The following ESR1 variants were observed in gnomAD, a reference collection of about 807,000 sequenced individuals.
The protein encoded by ESR1 is estrogen receptor 1.
Under a neutral mutation model 52.7 loss-of-function variants are expected in ESR1, and 12 were observed. The observed-to-expected ratio is 0.23, with a 90% confidence interval of 0.15 to 0.37. The LOEUF (loss-of-function observed/expected upper bound fraction) is 0.37, where lower values mean the gene tolerates loss of function less well. Ranked by LOEUF, ESR1 falls within the 10% of genes least tolerant of loss-of-function variation. The pLI, the probability that ESR1 is intolerant of heterozygous loss-of-function variation, is 1.00. For missense variants in ESR1, 584 were observed against 779.7 expected (o/e 0.75, Z 2.99); for synonymous variants, 305 against 316.8 (o/e 0.96, Z 0.39).
chr6:151,782,095 T>C (rs1330257595), intron 2 of ESR1, among the ~76,000 whole-genome samples: 1 of 152,194 alleles, frequency 6.6e-6, no homozygotes, highest in Non-Finnish European at 1.5e-5. Context: ...GATTGTTGAG[T>C]TCAAATCCTT....
chr6:152,118,797 A>G (rs1043483826), intron 6 of ESR1, among the ~76,000 whole-genome samples: 4 of 146,126 alleles, frequency 2.7e-5, no homozygotes, highest in African/African-American at 1.1e-4. Flanking sequence ...TAAAAATAAA[A>G]CAAACAAACA....
chr6:152,083,789 T>G (rs34075826), intron 6 of ESR1, among the ~76,000 whole-genome samples: 32,088 of 152,004 alleles, frequency 0.21, 4,783 homozygotes, highest in African/African-American at 0.41. Flanking sequence ...TCAAAAAAGT[T>G]GGCAAAGGAT....
rs79171036 is a variant in ESR1 at position 151,730,165 on chromosome 6, G to A, written c.-71+28160G>A. Among the ~76,000 whole-genome samples the A allele has an allele frequency of 8.2e-3, 1,241 of 152,194 alleles. 19 individuals are homozygous for A. The highest frequency in any genetic ancestry group is 0.027 in the African/African-American group (1,136 of 41,536). ...GAGGGTGGGCTTCTGCTTAGTCCCT[G>A]TTTGTCTTCCCAGGGCTAGGCATCC... is the stretch of plus-strand genomic sequence containing the variant. On this transcript the variant is annotated intron_variant, in intron 2 of 2. Transcript: ENST00000404742.
chr6:151,666,204 A>G (rs1414158916), intron 1 of ESR1, among the ~76,000 whole-genome samples: 1 of 152,204 alleles, frequency 6.6e-6, no homozygotes, highest in Non-Finnish European at 1.5e-5. Flanking sequence ...ATATTTTAAA[A>G]AACTCAACAA....
At chr6:151,874,625 A>T (rs1357736966) in intron 2 of ESR1, among the ~76,000 whole-genome samples, 1 of 152,228 alleles carries the variant, frequency 6.6e-6, no homozygotes, top group Non-Finnish European at 1.5e-5. Flanking sequence ...AAGCCAGGAG[A>T]CGAGTACTCT....
At chr6:151,747,936 T>C (rs1419490872) in intron 2 of ESR1, among the ~76,000 whole-genome samples, 1 of 152,238 alleles carries the variant, frequency 6.6e-6, no homozygotes, top group East Asian at 1.9e-4. Flanking sequence ...AAAATTGCTA[T>C]GAACGTTTGT....
At chr6:151,826,098 T>G (rs971861922) in intron 1 of ESR1, among the ~76,000 whole-genome samples, 1 of 151,772 alleles carries the variant, frequency 6.6e-6, no homozygotes, top group African/African-American at 2.4e-5. Flanking sequence ...GGGGAAGGAA[T>G]TGAAAGTTGG....
intron 2 of ESR1, among the ~76,000 whole-genome samples, chr6:151,708,543 A>T (rs1441732509): frequency 1.3e-5 from 2 of 152,120 alleles, no homozygotes; most frequent in Non-Finnish European, 2.9e-5. Context: ...CCCACTAGTG[A>T]TGTTGGAGAG....
At chr6:151,704,309 C>T (rs1364303899) in intron 2 of ESR1, among the ~76,000 whole-genome samples, 2 of 152,194 alleles carry the variant, frequency 1.3e-5, no homozygotes, top group African/African-American at 2.4e-5. Context: ...GCGATCTTGG[C>T]TCACTGCAAC....
intron 2 of ESR1, among the ~76,000 whole-genome samples, chr6:151,724,154 G>A (rs1448797893): frequency 1.3e-5 from 2 of 152,084 alleles, no homozygotes; most frequent in African/African-American, 4.8e-5. Flanking sequence ...GCCTCTAAAG[G>A]CTGGGGGTAG....
intron 3 of ESR1, among the ~76,000 whole-genome samples, chr6:151,892,919 T>C (rs984070531): frequency 1.3e-5 from 2 of 152,224 alleles, no homozygotes; most frequent in African/African-American, 4.8e-5. Context: ...CTGGGCATGA[T>C]GGCTCACGCC....
intron 2 of ESR1, among the ~76,000 whole-genome samples, chr6:151,778,158 ATGT>A (rs1392010412): frequency 2.0e-5 from 3 of 152,118 alleles, no homozygotes; most frequent in Non-Finnish European, 4.4e-5. Context: ...AAGAAGAGAA[ATGT>A]TGTATGATTT....
chr6:152,082,747 T>A (rs2129011893), intron 6 of ESR1, among the ~76,000 whole-genome samples: 1 of 152,344 alleles, frequency 6.6e-6, no homozygotes, highest in East Asian at 1.9e-4. Flanking sequence ...CTTAAGCTGA[T>A]AAGCAACTTC....
At chr6:151,815,857 C>A (rs183465110) in intron 1 of ESR1, among the ~76,000 whole-genome samples, 7 of 152,328 alleles carry the variant, frequency 4.6e-5, no homozygotes, top group African/African-American at 1.7e-4. Flanking sequence ...AGACTATAAA[C>A]AAGTGTCCCT....
intron 2 of ESR1, among the ~76,000 whole-genome samples, chr6:151,760,051 G>A (rs1278242061): frequency 1.3e-5 from 2 of 152,232 alleles, no homozygotes; most frequent in Non-Finnish European, 2.9e-5. Context: ...ATATGTGTGA[G>A]TAAGCTGACA....
chr6:152,049,693 A>G (rs1585005320), intron 5 of ESR1, among the ~76,000 whole-genome samples: 1 of 152,106 alleles, frequency 6.6e-6, no homozygotes, highest in Admixed American at 6.5e-5. Flanking sequence ...TGGAGGCTGC[A>G]AAAAAGAGGG....
At chr6:151,842,857 G>A (rs1026745601) in intron 2 of ESR1, 70 bp downstream of exon 2, 4 of 1,358,888 alleles carry the variant, frequency 2.9e-6, no homozygotes, top group African/African-American at 2.9e-5. Flanking sequence ...AAGCGACTGA[G>A]GAAGGAAGAC....
At chr6:151,898,235 A>G (rs184149672) in intron 3 of ESR1, among the ~76,000 whole-genome samples, 75 of 152,258 alleles carry the variant, frequency 4.9e-4, no homozygotes, top group Middle Eastern at 3.4e-3. Flanking sequence ...TTGGATGTCT[A>G]GGTCTCTAAT....
intron 2 of ESR1, among the ~76,000 whole-genome samples, chr6:151,776,574 ACG>A (rs1786013966): frequency 6.6e-6 from 1 of 152,228 alleles, no homozygotes; most frequent in Admixed American, 6.5e-5. Flanking sequence ...GGGGTGGCTC[ACG>A]CCTGTAATCC....
Sources: allele counts gnomAD v4.1 joint callset (sites outside exome capture counted in the v4.1 genomes callset), GRCh38; gene constraint gnomAD v4.1.1; transcripts MANE v1.5; gene names NCBI Gene and HGNC (gene_info 2026-07-23, HGNC 2026-07-21).